Variants in MMP15 observed in about 807,000 individuals in gnomAD.
MMP15 encodes the protein matrix metalloproteinase-15.
Under a neutral mutation model 65.0 loss-of-function variants are expected in MMP15, and 36 were observed. The ratio of observed to expected loss-of-function variants is 0.55; its 90% confidence interval spans 0.42 to 0.73. The LOEUF (loss-of-function observed/expected upper bound fraction) is 0.73, where lower values mean the gene tolerates loss of function less well. Ranked by LOEUF, MMP15 falls within the 30% of genes least tolerant of loss-of-function variation. MMP15 has a pLI of 0.00. For synonymous variants in MMP15, 428 were observed against 410.2 expected (o/e 1.04, Z -0.52); for missense variants, 870 against 987.8 (o/e 0.88, Z 1.60).
intron 5 of MMP15, chr16:58,040,981 A>G: frequency 1.9e-6 from 1 of 518,752 alleles, no homozygotes; most frequent in East Asian, 3.6e-5. Flanking sequence ...CACCCTTGGC[A>G]GTATTCTTAC....
rs774413461 is a variant in MMP15 at position 58,038,313 on chromosome 16, G to A, written c.359G>A (p.Arg120Gln). The change falls in exon 3 of 10, where the codon CGA (arginine) becomes CAA (glutamine). Residue 120 changes from arginine (R) to glutamine (Q), a missense_variant. Coordinates refer to ENST00000219271, the MANE Select transcript of MMP15 (RefSeq NM_002428.4). Reference sequence around the variant, plus strand: ...GGGGTGCCAGACCAGTTCGGGGTACGAGTGAAAGCCAACCTGCGGCGGCGT... The same window carrying A: ...GGGGTGCCAGACCAGTTCGGGGTACAAGTGAAAGCCAACCTGCGGCGGCGT... ...RCGVPDQFGVRVKANLRRRRK... is the reference protein window; with the variant it reads ...RCGVPDQFGVQVKANLRRRRK... The A allele has an allele frequency of 6.3e-5, 101 of 1,613,950 alleles. 1 individual carries two copies. The highest frequency in any genetic ancestry group is 1.6e-4 in the Middle Eastern group (1 of 6,084).
chr16:58,043,568 T>C lies in MMP15; in HGVS notation c.1511T>C (p.Ile504Thr), dbSNP rs747256730. The C allele has an allele frequency of 8.7e-6, 14 of 1,613,758 alleles. No homozygotes were observed. The African/African-American group carries it at 1.9e-4, about 22-fold the overall frequency. The change falls in exon 9 of 10, where the codon ATC becomes ACC. Residue 504 changes from isoleucine (I) to threonine (T), a missense_variant. Transcript: ENST00000219271. ...QRGDPGYPKPISVWQGIPASP... is the reference protein window; with the variant it reads ...QRGDPGYPKPTSVWQGIPASP... The stretch of plus-strand genomic sequence containing the variant: ...GGAGACCCTGGGTACCCCAAGCCCA[T>C]CAGTGTCTGGCAGGGGATCCCTGCC...
chr16:58,026,185 C>T lies in MMP15; in HGVS notation c.-166C>T. On this transcript the variant is annotated 5_prime_UTR_variant, in exon 1 of 10. Transcript: ENST00000219271. ...CGGACCTGCCCTGCCCGCTTCTCCT[C>T]GGGCTTGGGAATTTGCCGAGGCGAC... 4.2e-6 allele frequency: 3 copies of T among 713,566 alleles called. No individual in the cohort carries two copies. The highest frequency in any genetic ancestry group is 5.8e-6 in the Non-Finnish European group (3 of 516,966). 44.2% of individuals were successfully genotyped at this position (713,566 alleles called of 1,614,324 possible). A position where few individuals can be genotyped will look rare whatever the true frequency, so the allele number is the denominator to read the frequency against.
chr16:58,037,752 A>G (rs1413536874), intron 2 of MMP15, 132 bp downstream of exon 2: 11 of 1,321,432 alleles, frequency 8.3e-6, no homozygotes, highest in African/African-American at 4.4e-5. Flanking sequence ...TTGGTCCTCC[A>G]TGTCACTTCT....
intron 1 of MMP15, among the ~76,000 whole-genome samples, chr16:58,034,382 C>T (rs1289425903): frequency 1.3e-5 from 2 of 149,716 alleles, no homozygotes; most frequent in Non-Finnish European, 3.0e-5. Flanking sequence ...CCTGCTGTCT[C>T]TTCCCTCCTG....
chr16:58,040,279 G>A, intron 4 of MMP15, 97 bp downstream of exon 4: 1 of 1,293,116 alleles, frequency 7.7e-7, no homozygotes, highest in Non-Finnish European at 1.1e-6. Context: ...GGGGCTGGGA[G>A]GAGAGAGTTC....
intron 1 of MMP15, among the ~76,000 whole-genome samples, chr16:58,031,720 G>T (rs4784887): frequency 1.3e-5 from 2 of 151,790 alleles, no homozygotes; most frequent in African/African-American, 4.8e-5. Flanking sequence ...CCTGCAACTC[G>T]CTTAAAGACC....
In MMP15 at chr16:58,045,086, G is replaced by A; in HGVS notation, c.1650G>A (p.Lys550=). 6.2e-7 allele frequency: 1 copy of A among 1,612,868 alleles called. No homozygotes were observed. The highest frequency in any genetic ancestry group is 1.3e-5 in the African/African-American group (1 of 75,042). ...TGCGGATGGAGCCCGGCTACCCCAA[G>A]TCCATCCTGCGGGACTTCATGGGCT... ...ERLRMEPGYP[K]SILRDFMGCQ... Residue 550 remains lysine, a synonymous_variant, in exon 10 of 10, where the codon AAG becomes AAA. Coordinates refer to ENST00000219271, the MANE Select transcript of MMP15 (RefSeq NM_002428.4).
chr16:58,029,202 G>A (rs1195572487), intron 1 of MMP15, among the ~76,000 whole-genome samples: 3 of 152,202 alleles, frequency 2.0e-5, no homozygotes, highest in African/African-American at 7.2e-5. Context: ...GGGTGGGGGC[G>A]TTGGGAGGGG....
chr16:58,038,476 C>T (rs41412645), intron 3 of MMP15, 82 bp downstream of exon 3: 10 of 1,571,454 alleles, frequency 6.4e-6, no homozygotes, highest in Middle Eastern at 1.7e-4. Flanking sequence ...CCCACCTCGG[C>T]GCCCAGCCTT....
chr16:58,028,040 C>T (rs1368301365), intron 1 of MMP15, among the ~76,000 whole-genome samples: 11 of 152,228 alleles, frequency 7.2e-5, no homozygotes, highest in Non-Finnish European at 1.5e-4. Flanking sequence ...TTCTAATCTA[C>T]TTAGGGATGG....
At chr16:58,032,033 A>AT (rs1463443401) in intron 1 of MMP15, among the ~76,000 whole-genome samples, 1 of 151,576 alleles carries the variant, frequency 6.6e-6, no homozygotes, top group Non-Finnish European at 1.5e-5. Context: ...CACCTGGCTA[A>AT]TTTTTTGTAT....
Position 58,045,191 on chromosome 16 carries a change from C to T in MMP15, c.1755C>T (p.Pro585=), listed in dbSNP as rs769537811. Reference sequence around the variant, plus strand: ...TCAACCCCCACGGGGGTGCAGAGCCCGGGGCGGACAGCGCAGAGGGCGACG... The same window carrying T: ...TCAACCCCCACGGGGGTGCAGAGCCTGGGGCGGACAGCGCAGAGGGCGACG... ...PPFNPHGGAE[P]GADSAEGDVG... The change falls in exon 10 of 10, where the codon CCC becomes CCT. Residue 585 remains proline, a synonymous_variant. Transcript: ENST00000219271. 7 of 1,592,270 alleles carry T rather than the reference C, an allele frequency of 4.4e-6. No homozygotes were observed. Among genetic ancestry groups the T allele is most frequent in the South Asian group, 2.3e-5 (2 of 88,448 alleles).
rs1959573044 is a variant in MMP15 at position 58,046,655 on chromosome 16, A to G, written c.*1209A>G. On this transcript the variant is annotated 3_prime_UTR_variant, in exon 10 of 10. Transcript: ENST00000219271. ...GAAATGGTACTGTACAGCTGGCTCT[A>G]CTTCCCCATGGCCCTGAGCGAGTGG... 1 of 152,608 alleles carries G rather than the reference A, an allele frequency of 6.6e-6. No individual in the cohort carries two copies. The highest frequency in any genetic ancestry group is 1.5e-5 in the Non-Finnish European group (1 of 68,060). The allele number at this position is 152,608 out of a possible 1,614,324, so 9.5% of individuals were successfully genotyped here.
chr16:58,044,241 T>A (rs1012426948), intron 9 of MMP15, among the ~76,000 whole-genome samples: 6 of 152,058 alleles, frequency 3.9e-5, no homozygotes, highest in African/African-American at 1.4e-4. Flanking sequence ...AGTCCAGGAG[T>A]TCGAGACCAG....
At position 58,037,607 on chromosome 16, in the gene MMP15, G is replaced by A. The variant is rs199836131; in HGVS notation, c.298G>A (p.Glu100Lys). 291 of 1,614,034 alleles carry A rather than the reference G, an allele frequency of 1.8e-4. No homozygotes were observed. Among genetic ancestry groups the A allele is most frequent in the Middle Eastern group, 1.6e-4 (1 of 6,082 alleles). ...YGIPVTGVLD[E>K]ETKEWMKRPR... ...GATCCCAGTCACCGGTGTGCTCGAC[G>A]AAGAGACCAAGGAGTGAGTTCCCCC... Residue 100 changes from glutamate (E) to lysine (K), a missense_variant, in exon 2 of 10, where the codon GAA becomes AAA. Glu to Lys is a moderately conservative substitution (Grantham distance 56). Transcript: ENST00000219271.
At position 58,045,011 on chromosome 16, in the gene MMP15, C is replaced by T. The variant is rs759293740; in HGVS notation, c.1575C>T (p.Tyr525=). The T allele has an allele frequency of 3.1e-6, 5 of 1,613,378 alleles. No individual in the cohort carries two copies. Among genetic ancestry groups the T allele is most frequent in the Non-Finnish European group, 4.2e-6 (5 of 1,179,980 alleles). Residue 525 remains tyrosine, a synonymous_variant, in exon 10 of 10, where the codon TAC becomes TAT. Transcript: ENST00000219271. ...KGAFLSNDAA[Y]TYFYKGTKYW... Reference sequence around the variant, plus strand: ...CTGGCCTCCTTGCCCCTGCAGCCTACACCTACTTCTACAAGGGCACCAAAT... The same window carrying T: ...CTGGCCTCCTTGCCCCTGCAGCCTATACCTACTTCTACAAGGGCACCAAAT...
At position 58,045,708 on chromosome 16, in the gene MMP15, C is replaced by A; in HGVS notation, c.*262C>A. 1 of 484,200 alleles carries A rather than the reference C, an allele frequency of 2.1e-6. No homozygotes were observed. Among genetic ancestry groups the A allele is most frequent in the Admixed American group, 4.0e-5 (1 of 25,300 alleles). 30.0% of individuals were successfully genotyped at this position (484,200 alleles called of 1,614,324 possible). A position where few individuals can be genotyped will look rare whatever the true frequency, so the allele number is the denominator to read the frequency against. On this transcript the variant is annotated 3_prime_UTR_variant, in exon 10 of 10. Coordinates refer to ENST00000219271, the MANE Select transcript of MMP15 (RefSeq NM_002428.4). Reference sequence around the variant, plus strand: ...TGCTCCAGACAGGGAATTAGGCCCCCATCATCCTCTGGCTTGGCCACAGCC... The same window carrying A: ...TGCTCCAGACAGGGAATTAGGCCCCAATCATCCTCTGGCTTGGCCACAGCC...
At position 58,026,469 on chromosome 16, in the gene MMP15, TG is replaced by T; in HGVS notation, c.122del (p.Gly41AlafsTer4). Reference sequence around the variant, plus strand: ...CTGCTCCTGGTGCTTCTGGGCTGCCTGGGCCTTGGCGTAGCGGCCGAAGACG... The same window carrying T: ...CTGCTCCTGGTGCTTCTGGGCTGCCTGGCCTTGGCGTAGCGGCCGAAGACG... ...LPLLLVLLGC[L>X]GLGVAAEDAE... On this transcript the variant is annotated frameshift_variant, in exon 1 of 10. Transcript: ENST00000219271. LOFTEE classifies it high-confidence loss of function. The T allele has an allele frequency of 7.1e-7, 1 of 1,415,506 alleles. No homozygotes were observed. 87.7% of individuals were successfully genotyped at this position (1,415,506 alleles called of 1,614,324 possible).
Sources: gnomAD v4.1 joint callset for allele counts (sites outside exome capture counted in the v4.1 genomes callset) on GRCh38, gnomAD v4.1.1 for gene constraint, MANE v1.5 for transcripts, NCBI Gene and HGNC (gene_info 2026-07-23, HGNC 2026-07-21) for gene names.